The following YAP1 variants were observed in gnomAD, a reference collection of about 807,000 sequenced individuals.
YAP1 encodes the protein transcriptional coactivator YAP1.
In YAP1, 5 loss-of-function variants were observed where a neutral mutation model predicts 56.9. That is an observed-to-expected ratio of 0.09 (90% confidence interval 0.05 to 0.18). The LOEUF (loss-of-function observed/expected upper bound fraction) is 0.18. Among genes scored for constraint, YAP1 ranks in the 10% least tolerant of loss-of-function variants. The pLI, the probability that YAP1 is intolerant of heterozygous loss-of-function variation, is 1.00. For missense variants in YAP1, 539 were observed against 651.8 expected (o/e 0.83, Z 1.88); for synonymous variants, 265 against 248.1 (o/e 1.07, Z -0.64).
chr11:102,186,415 A>G (rs1947947916), intron 4 of YAP1: 2 of 323,428 alleles, frequency 6.2e-6, no homozygotes, highest in Non-Finnish European at 1.1e-5. Context: ...GGAGAAACAC[A>G]GTGATTGTTT....
chr11:102,191,358 CTTT>C (rs796816309), intron 4 of YAP1, among the ~76,000 whole-genome samples: 2 of 141,594 alleles, frequency 1.4e-5, no homozygotes, highest in African/African-American at 2.6e-5. Context: ...ACCACCAACA[CTTT>C]TTTTTTTTTT....
chr11:102,199,537 T>A (rs537603161), intron 4 of YAP1, among the ~76,000 whole-genome samples: 4 of 152,340 alleles, frequency 2.6e-5, no homozygotes, highest in Non-Finnish European at 5.9e-5. Flanking sequence ...TTAATAAATA[T>A]GTTTTTTTTC....
intron 2 of YAP1, among the ~76,000 whole-genome samples, chr11:102,156,336 A>G (rs977863537): frequency 7.9e-5 from 12 of 152,190 alleles, no homozygotes; most frequent in African/African-American, 1.7e-4. Context: ...TGCTAGGTCA[A>G]TTATTTTCCT....
chr11:102,206,216 C>A, intron 5 of YAP1, 142 bp downstream of exon 5: 1 of 975,954 alleles, frequency 1.0e-6, no homozygotes, highest in Non-Finnish European at 1.4e-6. Flanking sequence ...TTCTATCCAG[C>A]CCTGTCCTTG....
In YAP1 at chr11:102,206,887, T is replaced by C. The variant is rs1191642239; in HGVS notation, c.984+813T>C. On this transcript the variant is annotated intron_variant, in intron 5 of 8. Coordinates refer to ENST00000282441, the MANE Select transcript of YAP1 (RefSeq NM_001130145.3). ...AAGTTTAGAAGATGCCAGTGTGCTT[T>C]AAAATTACCTGCTTATGGATGTTTT... is the stretch of plus-strand genomic sequence containing the variant. Among the ~76,000 whole-genome samples the C allele has an allele frequency of 2.6e-5, 4 of 152,178 alleles. No individual in the cohort carries two copies. The East Asian group carries it at 7.7e-4, about 29-fold the overall frequency.
chr11:102,227,576 A>G lies in YAP1; in HGVS notation c.1271A>G (p.Asp424Gly), dbSNP rs1950252953. 1.9e-6 allele frequency: 3 copies of G among 1,609,852 alleles called. No homozygotes were observed. Among genetic ancestry groups the G allele is most frequent in the East Asian group, 2.2e-5 (1 of 44,866 alleles). Reference protein sequence around the residue: ...DDFLNSVDEMDTGDTINQSTL... With the variant: ...DDFLNSVDEMGTGDTINQSTL... ...TTCCTGAACAGTGTGGATGAGATGG[A>G]TACAGGTTGGTATTCTTTATTCCTC... Residue 424 changes from aspartate (D) to glycine (G), a missense_variant, in exon 8 of 9, where the codon GAT (aspartate) becomes GGT (glycine). Transcript: ENST00000282441.
chr11:102,185,866 T>G (rs1393265523), intron 3 of YAP1, among the ~76,000 whole-genome samples, 152 bp from the exon 4 acceptor site: 1 of 152,188 alleles, frequency 6.6e-6, no homozygotes, highest in Admixed American at 6.5e-5. Context: ...GTATATAGGT[T>G]TACCTTTCTT....
intron 6 of YAP1, among the ~76,000 whole-genome samples, chr11:102,216,483 A>G (rs563980848): frequency 6.4e-4 from 97 of 152,338 alleles, no homozygotes; most frequent in African/African-American, 1.3e-3. Context: ...AAAAATGCCA[A>G]TTATATTTCA....
At chr11:102,124,735 T>G (rs1943922100) in intron 2 of YAP1, among the ~76,000 whole-genome samples, 1 of 152,154 alleles carries the variant, frequency 6.6e-6, no homozygotes, top group Non-Finnish European at 1.5e-5. Flanking sequence ...TTTTCTTTTG[T>G]TTCTGAGATG....
intron 2 of YAP1, among the ~76,000 whole-genome samples, chr11:102,119,773 G>T (rs11225133): frequency 6.6e-6 from 1 of 151,922 alleles, no homozygotes; most frequent in African/African-American, 2.4e-5. Context: ...TCATGACTCT[G>T]CATTGCCTTG....
intron 3 of YAP1, among the ~76,000 whole-genome samples, chr11:102,173,342 G>A (rs1361029527): frequency 2.6e-5 from 4 of 151,934 alleles, no homozygotes; most frequent in African/African-American, 9.7e-5. Context: ...AAAATGTTGG[G>A]ATACCATTAA....
intron 2 of YAP1, among the ~76,000 whole-genome samples, chr11:102,142,361 AG>A (rs1945070041): frequency 6.6e-6 from 1 of 152,238 alleles, no homozygotes; most frequent in African/African-American, 2.4e-5. Context: ...GTCCTGTTTG[AG>A]AAAATGCTAA....
intron 2 of YAP1, among the ~76,000 whole-genome samples, chr11:102,160,962 A>G (rs1022613558): frequency 2.6e-5 from 4 of 151,896 alleles, no homozygotes; most frequent in Non-Finnish European, 5.9e-5. Flanking sequence ...CCTGTGCACA[A>G]CTAAATTTGT....
chr11:102,116,633 A>G (rs1438894601), intron 2 of YAP1, among the ~76,000 whole-genome samples: 1 of 152,218 alleles, frequency 6.6e-6, no homozygotes, highest in African/African-American at 2.4e-5. Context: ...CATAGGAGAA[A>G]AGGTTGCAAG....
chr11:102,196,990 T>C (rs900300727), intron 4 of YAP1, among the ~76,000 whole-genome samples: 5 of 152,174 alleles, frequency 3.3e-5, no homozygotes, highest in Admixed American at 1.3e-4. Context: ...CGACTCTCTA[T>C]TGATGATTCA....
chr11:102,208,802 A>G (rs544548334), intron 5 of YAP1, among the ~76,000 whole-genome samples: 1 of 152,226 alleles, frequency 6.6e-6, no homozygotes, highest in African/African-American at 2.4e-5. Context: ...ACTAATGTCA[A>G]AACCATACTG....
intron 6 of YAP1, among the ~76,000 whole-genome samples, chr11:102,222,890 C>T (rs1213801048): frequency 6.8e-6 from 1 of 147,630 alleles, no homozygotes; most frequent in African/African-American, 2.5e-5. Context: ...GGGAGGGGGT[C>T]GGGGGGTTCC....
Position 102,110,926 on chromosome 11 carries a change from G to A in YAP1, c.78G>A (p.Gly26=). 6.9e-7 allele frequency: 1 copy of A among 1,458,854 alleles called. No individual in the cohort carries two copies. The highest frequency in any genetic ancestry group is 2.5e-4 in the Middle Eastern group (1 of 4,052). 90.4% of individuals were successfully genotyped at this position (1,458,854 alleles called of 1,614,324 possible). ...AGCCGCCTTCGCAGCCCCCGCAGGG[G>A]CAGGGCCCGCCGTCCGGACCCGGGC... ...QGQPPSQPPQ[G]QGPPSGPGQP... Residue 26 remains glycine, a synonymous_variant, in exon 1 of 9, where the codon GGG becomes GGA. Transcript: ENST00000282441.
chr11:102,187,221 A>G (rs2135514751), intron 4 of YAP1, among the ~76,000 whole-genome samples: 1 of 152,258 alleles, frequency 6.6e-6, no homozygotes, highest in South Asian at 2.1e-4. Flanking sequence ...ATATACCTTT[A>G]AAAAAATAAA....
Sources: gnomAD v4.1 joint callset for allele counts (sites outside exome capture counted in the v4.1 genomes callset) on GRCh38, gnomAD v4.1.1 for gene constraint, MANE v1.5 for transcripts, NCBI Gene and HGNC (gene_info 2026-07-23, HGNC 2026-07-21) for gene names.